Variants in METTL25 observed in about 807,000 individuals in gnomAD.
METTL25 encodes methyltransferase like 25.
METTL25 carries 64 observed loss-of-function variants against 71.6 expected under a neutral mutation model. The observed-to-expected ratio is 0.89, with a 90% CI of 0.73 to 1.10. The LOEUF (loss-of-function observed/expected upper bound fraction) is 1.10, where lower values mean the gene tolerates loss of function less well. Among genes scored for constraint, METTL25 ranks in the 50% least tolerant of loss-of-function variants. The pLI is 0.00. For synonymous variants in METTL25, 287 were observed against 250.3 expected (o/e 1.15, Z -1.38); for missense variants, 807 against 707.0 (o/e 1.14, Z -1.60).
chr12:82,423,070 G>T lies in METTL25; in HGVS notation c.1280-7823G>T, dbSNP rs138592369. Reference sequence around the variant, plus strand: ...AAAGTTCATATGGAACCAAAAAAAAGCCCTCATTGCCAAGTCAATCCTAAG... The same window carrying T: ...AAAGTTCATATGGAACCAAAAAAAATCCCTCATTGCCAAGTCAATCCTAAG... On this transcript the variant is annotated intron_variant, in intron 5 of 11. Coordinates refer to ENST00000248306, the MANE Select transcript of METTL25 (RefSeq NM_032230.3). Among the ~76,000 whole-genome samples, 438 of 152,172 alleles carry T rather than the reference G, an allele frequency of 2.9e-3. 2 individuals carry two copies. The highest frequency in any genetic ancestry group is 9.9e-3 in the African/African-American group (413 of 41,520).
intron 9 of METTL25, among the ~76,000 whole-genome samples, chr12:82,464,162 G>T (rs182963495): frequency 1.9e-3 from 289 of 151,778 alleles, no homozygotes; most frequent in Non-Finnish European, 2.7e-3. Context: ...GTGCTTTTGA[G>T]GTCTTACTCA....
intron 5 of METTL25, among the ~76,000 whole-genome samples, chr12:82,410,695 A>G (rs1887491276): frequency 6.6e-6 from 1 of 152,100 alleles, no homozygotes; most frequent in African/African-American, 2.4e-5. Context: ...GGGAAGAGGG[A>G]GGAAGAGGAG....
intron 9 of METTL25, among the ~76,000 whole-genome samples, chr12:82,468,107 T>A (rs1217741429): frequency 6.6e-6 from 1 of 152,116 alleles, no homozygotes; most frequent in East Asian, 1.9e-4. Flanking sequence ...ATGATTTTTC[T>A]AACCTAGTGT....
At chr12:82,396,475 C>T (rs1886096087) in intron 3 of METTL25, among the ~76,000 whole-genome samples, 1 of 151,936 alleles carries the variant, frequency 6.6e-6, no homozygotes, top group Non-Finnish European at 1.5e-5. Flanking sequence ...GTGGCTCATA[C>T]TTATGTCAAG....
At chr12:82,406,427 T>G (rs1390276081) in intron 5 of METTL25, among the ~76,000 whole-genome samples, 1 of 152,146 alleles carries the variant, frequency 6.6e-6, no homozygotes, top group Non-Finnish European at 1.5e-5. Context: ...GGCAAACAAA[T>G]GTATAAACTG....
At chr12:82,473,200 A>G (rs1892667381) in intron 9 of METTL25, among the ~76,000 whole-genome samples, 2 of 152,000 alleles carry the variant, frequency 1.3e-5, no homozygotes, top group Non-Finnish European at 2.9e-5. Flanking sequence ...TTGAGGGTGC[A>G]TGCCTGCATA....
chr12:82,417,907 G>A, intron 5 of METTL25, among the ~76,000 whole-genome samples: 1 of 152,126 alleles, frequency 6.6e-6, no homozygotes, highest in East Asian at 1.9e-4. Context: ...CTTGGAGACA[G>A]ACGGTCTTCC....
intron 1 of METTL25, among the ~76,000 whole-genome samples, chr12:82,369,289 T>G (rs1882930968): frequency 6.6e-6 from 1 of 152,222 alleles, no homozygotes; most frequent in Non-Finnish European, 1.5e-5. Context: ...CCAGTTTTCT[T>G]TAACTCTCCA....
chr12:82,370,598 G>C (rs1883115224), intron 1 of METTL25, among the ~76,000 whole-genome samples: 1 of 152,178 alleles, frequency 6.6e-6, no homozygotes, highest in South Asian at 2.1e-4. Flanking sequence ...CTGCCAAAGA[G>C]TCTATTTGGG....
At chr12:82,422,752 A>G (rs917716359) in intron 5 of METTL25, among the ~76,000 whole-genome samples, 4 of 152,178 alleles carry the variant, frequency 2.6e-5, no homozygotes, top group Non-Finnish European at 5.9e-5. Flanking sequence ...TACACCAATA[A>G]CAGACAAACA....
chr12:82,383,891 C>T (rs1884699542), intron 1 of METTL25, among the ~76,000 whole-genome samples: 1 of 152,078 alleles, frequency 6.6e-6, no homozygotes, highest in Non-Finnish European at 1.5e-5. Flanking sequence ...GAGATATATC[C>T]TGGTCTCATA....
chr12:82,397,184 T>A (rs1006906162), intron 3 of METTL25, among the ~76,000 whole-genome samples: 27 of 152,128 alleles, frequency 1.8e-4, no homozygotes, highest in African/African-American at 6.5e-4. Flanking sequence ...TCCAAAGTGG[T>A]TATACCATTT....
intron 8 of METTL25, among the ~76,000 whole-genome samples, chr12:82,455,468 G>A (rs1311166082): frequency 6.6e-6 from 1 of 151,874 alleles, no homozygotes; most frequent in African/African-American, 2.4e-5. Context: ...CAAACGAATG[G>A]AAGAATCGTA....
intron 9 of METTL25, among the ~76,000 whole-genome samples, chr12:82,468,058 C>T (rs1892347576): frequency 6.6e-6 from 1 of 151,644 alleles, no homozygotes. Flanking sequence ...ATTTTTTCTT[C>T]TCAAAGTCCT....
At chr12:82,393,277 GT>G (rs1307557374) in intron 3 of METTL25, among the ~76,000 whole-genome samples, 2 of 151,786 alleles carry the variant, frequency 1.3e-5, no homozygotes, top group East Asian at 3.9e-4. Context: ...ATATCTTTCA[GT>G]TTTTTTGTGT....
At chr12:82,476,104 G>T (rs1217016087) in intron 9 of METTL25, among the ~76,000 whole-genome samples, 1 of 151,992 alleles carries the variant, frequency 6.6e-6, no homozygotes, top group East Asian at 1.9e-4. Flanking sequence ...CTAGAGAGTG[G>T]CCTGCTAAAT....
At chr12:82,469,126 C>G (rs573434419) in intron 9 of METTL25, among the ~76,000 whole-genome samples, 1 of 152,264 alleles carries the variant, frequency 6.6e-6, no homozygotes, top group African/African-American at 2.4e-5. Context: ...ATCCACAGAT[C>G]GCCACCATCA....
intron 5 of METTL25, among the ~76,000 whole-genome samples, chr12:82,414,169 T>G (rs1415586267): frequency 6.6e-6 from 1 of 152,116 alleles, no homozygotes; most frequent in African/African-American, 2.4e-5. Context: ...CCTTGTAGAT[T>G]CAGCTGTTTA....
At chr12:82,433,062 G>A (rs1018282696) in intron 6 of METTL25, among the ~76,000 whole-genome samples, 4 of 151,344 alleles carry the variant, frequency 2.6e-5, no homozygotes, top group Non-Finnish European at 5.9e-5. Context: ...CATCCTCTTT[G>A]TTCATTGTTC....
Sources: allele counts gnomAD v4.1 joint callset (sites outside exome capture counted in the v4.1 genomes callset), GRCh38; gene constraint gnomAD v4.1.1; transcripts MANE v1.5; gene names NCBI Gene and HGNC (gene_info 2026-07-23, HGNC 2026-07-21).